Variants in GRM5 observed in about 807,000 individuals in gnomAD.
GRM5 encodes the protein glutamate metabotropic receptor 5.
Under a neutral mutation model 83.1 loss-of-function variants are expected in GRM5, and 19 were observed. The observed-to-expected ratio is 0.23, with a 90% CI of 0.16 to 0.34. The LOEUF (loss-of-function observed/expected upper bound fraction) is 0.34. Among genes scored for constraint, GRM5 ranks in the 10% least tolerant of loss-of-function variants. The pLI is 1.00. For missense variants in GRM5, 1,160 were observed against 1,588.3 expected (o/e 0.73, Z 4.58); for synonymous variants, 675 against 633.6 (o/e 1.07, Z -0.98).
At chr11:88,872,985 A>G (rs1238754192) in intron 2 of GRM5, among the ~76,000 whole-genome samples, 1 of 150,776 alleles carries the variant, frequency 6.6e-6, no homozygotes, top group African/African-American at 2.4e-5. Context: ...ATCTATAAAG[A>G]TACACGAAGA....
chr11:89,015,503 C>T (rs1209184799), intron 2 of GRM5, among the ~76,000 whole-genome samples: 1 of 152,106 alleles, frequency 6.6e-6, no homozygotes, highest in African/African-American at 2.4e-5. Flanking sequence ...TACAGGTAGT[C>T]ACTCATAAAA....
chr11:88,653,072 C>A, intron 4 of GRM5, 96 bp downstream of exon 4: 1 of 760,248 alleles, frequency 1.3e-6, no homozygotes, highest in Non-Finnish European at 2.2e-6. Context: ...AGAGTCCTCC[C>A]TTGTAACATA....
chr11:88,736,565 T>C (rs1486467387), intron 3 of GRM5, among the ~76,000 whole-genome samples: 1 of 152,058 alleles, frequency 6.6e-6, no homozygotes, highest in Non-Finnish European at 1.5e-5. Context: ...AGAGTTAATG[T>C]TCCCTGATTT....
intron 3 of GRM5, among the ~76,000 whole-genome samples, chr11:88,772,920 G>C (rs936209456): frequency 6.6e-5 from 10 of 152,176 alleles, no homozygotes; most frequent in African/African-American, 2.2e-4. Flanking sequence ...ATGTGTGCAT[G>C]TGTCTTTATA....
chr11:88,906,939 C>T (rs867594239), intron 2 of GRM5, among the ~76,000 whole-genome samples: 32 of 152,108 alleles, frequency 2.1e-4, no homozygotes, highest in African/African-American at 7.0e-4. Flanking sequence ...CTAGTTTGAA[C>T]ATCTAGTACT....
chr11:88,632,290 T>C (rs1938996923), intron 4 of GRM5, among the ~76,000 whole-genome samples: 1 of 137,580 alleles, frequency 7.3e-6, no homozygotes. Context: ...TCCTTCATCC[T>C]GGCTGGAGTG....
chr11:88,688,454 T>C (rs1040493470), intron 3 of GRM5, among the ~76,000 whole-genome samples: 2 of 152,124 alleles, frequency 1.3e-5, no homozygotes, highest in African/African-American at 4.8e-5. Context: ...CTGAGAAAAA[T>C]ATACTGTGGA....
At chr11:88,730,046 A>C (rs1941773040) in intron 3 of GRM5, among the ~76,000 whole-genome samples, 1 of 152,196 alleles carries the variant, frequency 6.6e-6, no homozygotes, top group East Asian at 1.9e-4. Context: ...TAATTAAACT[A>C]AAGAGCTTCT....
At chr11:88,614,104 C>T (rs1368771717) in intron 4 of GRM5, among the ~76,000 whole-genome samples, 1 of 152,146 alleles carries the variant, frequency 6.6e-6, no homozygotes, top group Non-Finnish European at 1.5e-5. Flanking sequence ...TTCAGCAGTA[C>T]ATGTTTTTCT....
At chr11:88,519,640 C>T (rs942810649) in intron 9 of GRM5, among the ~76,000 whole-genome samples, 8 of 152,114 alleles carry the variant, frequency 5.3e-5, no homozygotes, top group African/African-American at 1.7e-4. Flanking sequence ...AATTTTAAAA[C>T]AGGGAAATTA....
chr11:89,031,290 G>A (rs942426688), intron 2 of GRM5, among the ~76,000 whole-genome samples: 1 of 151,754 alleles, frequency 6.6e-6, no homozygotes, highest in African/African-American at 2.4e-5. Flanking sequence ...GCTATTATAA[G>A]TAATAAATCT....
intron 2 of GRM5, among the ~76,000 whole-genome samples, chr11:89,027,851 C>T (rs1463578305): frequency 1.3e-5 from 2 of 152,162 alleles, no homozygotes; most frequent in Non-Finnish European, 2.9e-5. Flanking sequence ...CTCCAAAACA[C>T]ATGTTGAAAT....
intron 3 of GRM5, among the ~76,000 whole-genome samples, chr11:88,780,537 A>G (rs570936005): frequency 1.8e-4 from 27 of 152,308 alleles, no homozygotes; most frequent in Admixed American, 1.5e-3. Flanking sequence ...AGTACTGAAC[A>G]CTTCAGAGCT....
At chr11:88,715,444 CTA>C (rs1271223205) in intron 3 of GRM5, among the ~76,000 whole-genome samples, 2 of 147,960 alleles carry the variant, frequency 1.4e-5, no homozygotes, top group African/African-American at 5.0e-5. Context: ...AAAAAAAAAA[CTA>C]TATAATTCTC....
At chr11:88,679,045 G>A (rs1025283762) in intron 3 of GRM5, among the ~76,000 whole-genome samples, 3 of 152,132 alleles carry the variant, frequency 2.0e-5, no homozygotes, top group Non-Finnish European at 2.9e-5. Context: ...GAAAATACAT[G>A]AAATGTAAAT....
chr11:88,770,275 A>G (rs1414114356), intron 3 of GRM5, among the ~76,000 whole-genome samples: 2 of 152,130 alleles, frequency 1.3e-5, no homozygotes. Context: ...CAGAACAGAA[A>G]AAGGGCATTA....
chr11:88,529,488 T>C (rs762402427), intron 8 of GRM5, among the ~76,000 whole-genome samples: 1 of 151,736 alleles, frequency 6.6e-6, no homozygotes, highest in Non-Finnish European at 1.5e-5. Context: ...GAAACACTGT[T>C]TAGTAATTTT....
At chr11:88,977,479 G>A (rs1466195321) in intron 2 of GRM5, among the ~76,000 whole-genome samples, 2 of 152,120 alleles carry the variant, frequency 1.3e-5, no homozygotes, top group African/African-American at 4.8e-5. Flanking sequence ...CCAAAGTGCT[G>A]GGATTACAGG....
At chr11:88,904,169 A>C (rs986891417) in intron 2 of GRM5, among the ~76,000 whole-genome samples, 4 of 152,204 alleles carry the variant, frequency 2.6e-5, no homozygotes, top group Middle Eastern at 3.2e-3. Flanking sequence ...AAGTAAAACT[A>C]GACTGACCTC....
Sources: gnomAD v4.1 joint callset for allele counts (sites outside exome capture counted in the v4.1 genomes callset) on GRCh38, gnomAD v4.1.1 for gene constraint, MANE v1.5 for transcripts, NCBI Gene and HGNC (gene_info 2026-07-23, HGNC 2026-07-21) for gene names.